SRPX: variants seen among roughly 807,000 people sequenced by gnomAD.
SRPX encodes sushi repeat containing protein X-linked.
Under a neutral mutation model 38.1 loss-of-function variants are expected in SRPX, and 24 were observed. The ratio of observed to expected loss-of-function variants is 0.63; its 90% CI spans 0.46 to 0.89. The LOEUF (loss-of-function observed/expected upper bound fraction) is 0.89. Among genes scored for constraint, SRPX ranks in the 40% least tolerant of loss-of-function variants. SRPX has a pLI of 0.00. For missense variants in SRPX, 416 were observed against 377.8 expected (o/e 1.10, Z -0.84); for synonymous variants, 184 against 153.8 (o/e 1.20, Z -1.45).
At chrX:38,160,234 G>A (rs1420201572) in intron 6 of SRPX, 38 bp from the exon 7 acceptor site, 12 of 1,181,870 alleles carry the variant, frequency 1.0e-5, no homozygotes, top group Non-Finnish European at 1.4e-5. Context: ...TCAGTGCTGA[G>A]CTCCCATCCA....
At chrX:38,192,419 T>C (rs952682472) in intron 1 of SRPX, among the ~76,000 whole-genome samples, 1 of 111,166 alleles carries the variant, frequency 9.0e-6, no homozygotes, top group African/African-American at 3.3e-5. Context: ...ATGCCCGCTG[T>C]CCCCTGCCCT....
At chrX:38,161,192 G>T in intron 5 of SRPX, 138 bp from the exon 6 acceptor site, 1 of 671,445 alleles carries the variant, frequency 1.5e-6, no homozygotes. Context: ...AAAATTTCTT[G>T]AAGAATAGAA....
chrX:38,180,813 G>A (rs1371017104), intron 1 of SRPX, among the ~76,000 whole-genome samples: 1 of 112,122 alleles, frequency 8.9e-6, no homozygotes, highest in Non-Finnish European at 1.9e-5. Context: ...TTTTGAAGAG[G>A]TTTCTTAACA....
chrX:38,173,520 G>A (rs1200076225), intron 3 of SRPX, among the ~76,000 whole-genome samples: 2 of 110,780 alleles, frequency 1.8e-5, no homozygotes, highest in Non-Finnish European at 1.9e-5. Flanking sequence ...CACAATCTCG[G>A]CTCACTACAA....
intron 1 of SRPX, among the ~76,000 whole-genome samples, chrX:38,187,675 CTTG>C (rs1413904753): frequency 8.9e-6 from 1 of 112,201 alleles, no homozygotes; most frequent in Non-Finnish European, 1.9e-5. Context: ...TCTTGAAGCT[CTTG>C]TTAACACAGG....
intron 7 of SRPX, 73 bp from the exon 8 acceptor site, chrX:38,157,102 A>G: frequency 1.8e-6 from 2 of 1,115,173 alleles, no homozygotes; most frequent in South Asian, 2.1e-5. Context: ...ATGATGACAC[A>G]CAGAACCATT....
At chrX:38,212,595 C>T (rs977862606) in intron 1 of SRPX, among the ~76,000 whole-genome samples, 9 of 111,390 alleles carry the variant, frequency 8.1e-5, no homozygotes, top group African/African-American at 2.9e-4. Flanking sequence ...CCAGGTGACC[C>T]AAGAGTTCAC....
At chrX:38,209,541 C>T (rs749629676) in intron 1 of SRPX, among the ~76,000 whole-genome samples, 128 of 111,953 alleles carry the variant, frequency 1.1e-3, no homozygotes, top group African/African-American at 3.8e-3. Flanking sequence ...ATGCTGAGAG[C>T]CATAGCTTCC....
At chrX:38,179,265 C>T (rs1040545386) in intron 1 of SRPX, among the ~76,000 whole-genome samples, 4 of 111,999 alleles carry the variant, frequency 3.6e-5, no homozygotes, top group African/African-American at 6.5e-5. Flanking sequence ...TCTTAATGAG[C>T]GTTGCTACCA....
intron 1 of SRPX, among the ~76,000 whole-genome samples, chrX:38,194,258 G>GA (rs1433060833): frequency 5.4e-5 from 6 of 111,105 alleles, no homozygotes; most frequent in African/African-American, 2.0e-4. Flanking sequence ...CTTCCCCTGA[G>GA]AATTAATAAC....
chrX:38,156,944 T>A lies in SRPX; in HGVS notation c.1041A>T (p.Thr347=), dbSNP rs1171918845. Residue 347 remains threonine, a synonymous_variant, in exon 8 of 10, where the codon ACA becomes ACT. Coordinates refer to ENST00000378533, the MANE Select transcript of SRPX (RefSeq NM_006307.5). ...GGTAAAGGAGGTTTCGGGCTGTGGG[T>A]GTGGACACAATGAGGAGTCTCCTTT... ...YEKRRLLIVS[T]PTARNLLYRL... is the part of the protein sequence containing the mutation. 1.7e-6 allele frequency: 2 copies of A among 1,209,659 alleles called. No individual in the cohort carries two copies. Among genetic ancestry groups the A allele is most frequent in the Admixed American group, 4.4e-5 (2 of 45,771 alleles).
At chrX:38,178,151 T>A (rs56837857) in intron 2 of SRPX, 134 bp downstream of exon 2, 12,561 of 375,910 alleles carry the variant, frequency 0.033, 463 homozygotes, top group African/African-American at 0.15. Flanking sequence ...ATATATATAT[T>A]TTTTTTTCCT....
intron 1 of SRPX, among the ~76,000 whole-genome samples, chrX:38,206,533 C>T (rs185682977): frequency 5.9e-4 from 66 of 112,099 alleles, no homozygotes; most frequent in African/African-American, 2.0e-3. Flanking sequence ...CAGCAGGAGT[C>T]AATTCAGCAG....
chrX:38,218,770 C>G (rs780796592), intron 1 of SRPX, among the ~76,000 whole-genome samples: 1 of 111,942 alleles, frequency 8.9e-6, no homozygotes, highest in African/African-American at 3.2e-5. Context: ...ACCCAAGGGC[C>G]TAGAGATTTT....
At position 38,164,853 on chromosome X, in the gene SRPX, C is replaced by T. The variant is rs1357789834; in HGVS notation, c.569G>A (p.Arg190His). 10 of 1,208,466 alleles carry T rather than the reference C, an allele frequency of 8.3e-6. No homozygotes were observed. Among genetic ancestry groups the T allele is most frequent in the Non-Finnish European group, 1.1e-5 (10 of 894,348 alleles). Reference protein sequence around the residue: ...PRIKCPSVKERIAEPNKLTVR... With the variant: ...PRIKCPSVKEHIAEPNKLTVR... ...TGTCAGTTTGTTGGGTTCTGCAATG[C>T]GTTCCTTCACACTTGGGCACTTGAT... Residue 190 changes from arginine to histidine, a missense_variant, in exon 5 of 10, where the codon CGC becomes CAC. Coordinates refer to ENST00000378533, the MANE Select transcript of SRPX (RefSeq NM_006307.5).
chrX:38,151,939 A>T (rs747442458), intron 9 of SRPX, among the ~76,000 whole-genome samples: 1 of 111,081 alleles, frequency 9.0e-6, no homozygotes, highest in South Asian at 3.9e-4. Flanking sequence ...ATACCTCCAG[A>T]TAAAAAAGAA....
chrX:38,152,087 A>C (rs1938028114), intron 9 of SRPX, among the ~76,000 whole-genome samples: 1 of 111,674 alleles, frequency 9.0e-6, no homozygotes, highest in Non-Finnish European at 1.9e-5. Context: ...TTTTTACATT[A>C]TGCAGGCATT....
chrX:38,167,029 A>C (rs1208840466), intron 4 of SRPX, among the ~76,000 whole-genome samples: 1 of 111,756 alleles, frequency 8.9e-6, no homozygotes, highest in African/African-American at 3.3e-5. Flanking sequence ...GAAATAAATC[A>C]TTACAAATAA....
intron 1 of SRPX, among the ~76,000 whole-genome samples, chrX:38,211,066 C>T (rs1193546551): frequency 1.8e-5 from 2 of 112,272 alleles, no homozygotes; most frequent in Non-Finnish European, 1.9e-5. Flanking sequence ...CAACTGCCAT[C>T]GTATCACCAA....
Sources: allele counts gnomAD v4.1 joint callset (sites outside exome capture counted in the v4.1 genomes callset), GRCh38; gene constraint gnomAD v4.1.1; transcripts MANE v1.5; gene names NCBI Gene and HGNC (gene_info 2026-07-23, HGNC 2026-07-21).